The following RTL4 variants were observed in gnomAD, a reference collection of about 807,000 sequenced individuals.
RTL4 encodes the protein retrotransposon Gag-like protein 4.
In RTL4, 4 loss-of-function variants were observed where a neutral mutation model predicts 5.3. The observed-to-expected ratio is 0.75, with a 90% CI of 0.37 to 1.72. The LOEUF (loss-of-function observed/expected upper bound fraction) is 1.72. Among genes scored for constraint, RTL4 ranks in the 40% most tolerant of loss-of-function variants. The pLI, the probability that RTL4 is intolerant of heterozygous loss-of-function variation, is 0.04. For synonymous variants in RTL4, 98 were observed against 87.3 expected, an observed-to-expected ratio of 1.12 and a Z score of -0.68; for missense variants, 260 against 227.1, an observed-to-expected ratio of 1.14 and a Z score of -0.93.
At chrX:112,296,864 C>A in the RTL4 span, among the ~76,000 whole-genome samples, 2 of 108,713 alleles carry the variant, frequency 1.8e-5, no homozygotes, top group East Asian at 2.9e-4. Flanking sequence ...TGATCCACCC[C>A]CCTCGGCCTC....
the RTL4 span, among the ~76,000 whole-genome samples, chrX:112,378,179 G>C: frequency 0.12 from 13,181 of 110,876 alleles, 1,996 homozygotes; most frequent in African/African-American, 0.41. Flanking sequence ...CCACATTGAG[G>C]CCACATTATT....
the RTL4 span, among the ~76,000 whole-genome samples, chrX:112,399,366 G>T: frequency 9.0e-6 from 1 of 111,176 alleles, no homozygotes; most frequent in East Asian, 2.8e-4. Context: ...ATTTTGGTGT[G>T]TGTTTGCTCT....
At chrX:112,280,700 T>G in the RTL4 span, among the ~76,000 whole-genome samples, 3,136 of 110,517 alleles carry the variant, frequency 0.028, 106 homozygotes, top group African/African-American at 0.096. Context: ...TTACCATGTT[T>G]CCCAGGCTGG....
chrX:112,169,092 C>CTTTCTTTCTTTT, the RTL4 span, among the ~76,000 whole-genome samples: 1 of 37,988 alleles, frequency 2.6e-5, no homozygotes, highest in Non-Finnish European at 5.2e-5. Flanking sequence ...TCTTTTCTTT[C>CTTTCTTTCTTTT]TTTCTTTCTT....
At chrX:112,356,357 C>T in the RTL4 span, among the ~76,000 whole-genome samples, 2 of 111,376 alleles carry the variant, frequency 1.8e-5, no homozygotes, top group Non-Finnish European at 3.8e-5. Flanking sequence ...TTGTAATGCA[C>T]TTTCCTCATC....
At chrX:112,311,294 T>C in the RTL4 span, among the ~76,000 whole-genome samples, 2 of 110,786 alleles carry the variant, frequency 1.8e-5, no homozygotes, top group Non-Finnish European at 3.8e-5. Flanking sequence ...TCACAGTTTG[T>C]TGGGGAAAAG....
At chrX:112,121,088 G>A in the RTL4 span, among the ~76,000 whole-genome samples, 3 of 111,822 alleles carry the variant, frequency 2.7e-5, no homozygotes, top group Admixed American at 2.9e-4. Context: ...AAATGCCCAT[G>A]ACACAGGTTT....
At chrX:112,280,322 G>C in the RTL4 span, among the ~76,000 whole-genome samples, 2 of 111,113 alleles carry the variant, frequency 1.8e-5, no homozygotes, top group African/African-American at 6.5e-5. Context: ...GGAAGAGGAA[G>C]AAAGAGAGGG....
At chrX:112,319,775 T>A in the RTL4 span, among the ~76,000 whole-genome samples, 1 of 112,093 alleles carries the variant, frequency 8.9e-6, no homozygotes, top group Admixed American at 9.5e-5. Flanking sequence ...TTTCACTCAA[T>A]GTTTTTGAAA....
the RTL4 span, among the ~76,000 whole-genome samples, chrX:112,400,832 TCTC>T: frequency 6.3e-5 from 7 of 111,473 alleles, no homozygotes; most frequent in Non-Finnish European, 1.1e-4. Context: ...TCTCTATAGT[TCTC>T]CTTTTGTGAA....
At chrX:112,324,457 G>C in the RTL4 span, among the ~76,000 whole-genome samples, 11 of 111,193 alleles carry the variant, frequency 9.9e-5, no homozygotes, top group Non-Finnish European at 2.1e-4. Context: ...GTTTCTTCCA[G>C]AACTTTTTCT....
the RTL4 span, among the ~76,000 whole-genome samples, chrX:112,302,205 G>C: frequency 1.0e-5 from 1 of 95,787 alleles, no homozygotes; most frequent in Non-Finnish European, 2.1e-5. Context: ...AGCTTGCAGT[G>C]AGTGGAGATC....
At chrX:112,277,802 A>G in the RTL4 span, among the ~76,000 whole-genome samples, 1,081 of 112,249 alleles carry the variant, frequency 9.6e-3, 13 homozygotes, top group African/African-American at 0.033. Context: ...GTGGAATGCC[A>G]TAAACAGCTG....
At chrX:112,304,699 T>A in the RTL4 span, among the ~76,000 whole-genome samples, 1 of 98,663 alleles carries the variant, frequency 1.0e-5, no homozygotes, top group Non-Finnish European at 2.0e-5. Flanking sequence ...TGGCAGCCTA[T>A]GGAACACTAA....
chrX:112,208,563 C>T, the RTL4 span, among the ~76,000 whole-genome samples: 3 of 111,948 alleles, frequency 2.7e-5, no homozygotes, highest in Admixed American at 1.9e-4. Flanking sequence ...GTCAATATAG[C>T]GATCATCTAT....
chrX:112,187,146 C>T, the RTL4 span, among the ~76,000 whole-genome samples: 1,690 of 112,098 alleles, frequency 0.015, 37 homozygotes, highest in African/African-American at 0.051. Context: ...ATGATAAAGG[C>T]TCTGCTGATA....
the RTL4 span, among the ~76,000 whole-genome samples, chrX:112,331,457 G>C: frequency 2.9e-3 from 305 of 106,873 alleles, 1 homozygote; most frequent in African/African-American, 9.7e-3. Context: ...AGCACAATGA[G>C]ATACCATCTC....
upstream of RTL4, among the ~76,000 whole-genome samples, chrX:112,451,277 A>T (rs1926730407): frequency 9.0e-6 from 1 of 111,612 alleles, no homozygotes; most frequent in Non-Finnish European, 1.9e-5. Context: ...GGGAAGGTGG[A>T]TTGCTTGAGC....
chrX:112,172,408 A>G, the RTL4 span, among the ~76,000 whole-genome samples: 1 of 111,911 alleles, frequency 8.9e-6, no homozygotes, highest in Non-Finnish European at 1.9e-5. Context: ...AAAAACCTCA[A>G]TATTGCTGAT....
Sources: gnomAD v4.1 joint callset for allele counts (sites outside exome capture counted in the v4.1 genomes callset) on GRCh38, gnomAD v4.1.1 for gene constraint, MANE v1.5 for transcripts, NCBI Gene and HGNC (gene_info 2026-07-23, HGNC 2026-07-21) for gene names.